Variants in MAPK8IP3 observed in about 807,000 individuals in gnomAD.
MAPK8IP3 encodes mitogen-activated protein kinase 8 interacting protein 3.
In MAPK8IP3, 49 loss-of-function variants were observed where a neutral mutation model predicts 157.8. The observed-to-expected ratio is 0.31, with a 90% CI of 0.25 to 0.39. The LOEUF (loss-of-function observed/expected upper bound fraction) is 0.39, where lower values mean the gene tolerates loss of function less well. Among genes scored for constraint, MAPK8IP3 ranks in the 10% least tolerant of loss-of-function variants. The probability of loss-of-function intolerance (pLI) is 1.00; values close to 1 mark genes in which losing one functional copy is unlikely to be tolerated. For synonymous variants in MAPK8IP3, 897 were observed against 777.7 expected (o/e 1.15, Z -2.55); for missense variants, 1,478 against 1,889.4 (o/e 0.78, Z 4.04).
chr16:1,747,342 T>C lies in MAPK8IP3; in HGVS notation c.994+67T>C, dbSNP rs143601123. 6.4e-6 allele frequency: 10 copies of C among 1,570,774 alleles called. 1 individual carries two copies. The African/African-American group carries it at 1.3e-4, about 21-fold the overall frequency. On this transcript the variant is annotated intron_variant, in intron 6 of 31. Coordinates refer to ENST00000610761, the MANE Select transcript of MAPK8IP3 (RefSeq NM_001318852.2). ...AGGCAGGGCTTGGTTTGGGTAGATG[T>C]GAAACTAATGCACCAGGCGGGCAGT... is the stretch of plus-strand genomic sequence containing the variant.
Position 1,724,747 on chromosome 16 carries a change from G to A in MAPK8IP3, c.439+70G>A. Reference sequence around the variant, plus strand: ...CTCTGGGACGGCTCTGGTTGGGGTGGGCATGGAGCGCCTTCCACACAAGGG... The same window carrying A: ...CTCTGGGACGGCTCTGGTTGGGGTGAGCATGGAGCGCCTTCCACACAAGGG... On this transcript the variant is annotated intron_variant, in intron 2 of 31. Transcript: ENST00000610761. This position sits in a 1 kb window ranked among gnomAD's most constrained non-coding sequence, Gnocchi z 4.1. 6.4e-7 allele frequency: 1 copy of A among 1,567,516 alleles called. No homozygotes were observed. Among genetic ancestry groups the A allele is most frequent in the Non-Finnish European group, 8.7e-7 (1 of 1,154,226 alleles).
intron 2 of MAPK8IP3, among the ~76,000 whole-genome samples, chr16:1,728,738 C>T (rs1421356833): frequency 6.8e-6 from 1 of 147,748 alleles, no homozygotes; most frequent in African/African-American, 2.6e-5. Flanking sequence ...TCGCACAACG[C>T]ACGCAGCAGC....
intron 4 of MAPK8IP3, among the ~76,000 whole-genome samples, chr16:1,731,460 C>T (rs533180379): frequency 8.5e-5 from 13 of 152,368 alleles, no homozygotes; most frequent in African/African-American, 1.4e-4. Flanking sequence ...CTGCCCTCCT[C>T]TTCACCTCCT....
intron 5 of MAPK8IP3, chr16:1,744,617 G>A: frequency 1.0e-6 from 1 of 985,574 alleles, no homozygotes. Context: ...CGCTTCCCGG[G>A]CCTGGAGCTG....
At chr16:1,738,337 ACC>A (rs2040232929) in intron 4 of MAPK8IP3, among the ~76,000 whole-genome samples, 2 of 66,230 alleles carry the variant, frequency 3.0e-5, no homozygotes, top group African/African-American at 6.4e-5. Flanking sequence ...TGAGCGTGTG[ACC>A]GTCCGTGTGT....
In MAPK8IP3 at chr16:1,743,542, C is replaced by T. The variant is rs893705833; in HGVS notation, c.747+66C>T. ...TGCTGGTGTTCCCCGTTCACTGGGG[C>T]GGGAGCCTCGTCTGCAGGCAGCCCT... On this transcript the variant is annotated intron_variant, in intron 5 of 31. Coordinates refer to ENST00000610761, the MANE Select transcript of MAPK8IP3 (RefSeq NM_001318852.2). The surrounding 1 kb of genome is among the most constrained non-coding windows in gnomAD (Gnocchi z 5.6). The T allele has an allele frequency of 5.7e-5, 89 of 1,560,012 alleles. No homozygotes were observed. The highest frequency in any genetic ancestry group is 7.0e-5 in the Non-Finnish European group (81 of 1,162,136).
chr16:1,767,060 C>T, intron 25 of MAPK8IP3, 89 bp downstream of exon 25: 2 of 1,580,914 alleles, frequency 1.3e-6, no homozygotes, highest in Admixed American at 3.4e-5. Flanking sequence ...CAGGCCTCTC[C>T]TTAGTCTGGC....
intron 8 of MAPK8IP3, chr16:1,749,046 G>C: frequency 2.5e-6 from 1 of 403,464 alleles, no homozygotes; most frequent in South Asian, 2.0e-5. Context: ...GTTATGCTGT[G>C]TCGTTTAGGG....
At chr16:1,721,465 T>C (rs989967001) in intron 1 of MAPK8IP3, among the ~76,000 whole-genome samples, 4 of 152,124 alleles carry the variant, frequency 2.6e-5, no homozygotes, top group African/African-American at 9.7e-5. Flanking sequence ...AGAGAGGATC[T>C]CACTGTCATC....
chr16:1,738,309 C>T (rs1483289098), intron 4 of MAPK8IP3, among the ~76,000 whole-genome samples: 91 of 55,874 alleles, frequency 1.6e-3, no homozygotes, highest in Admixed American at 3.3e-3. Context: ...TCTGTGTGAC[C>T]GTCCGTGTGA....
chr16:1,754,754 G>T (rs767960899), intron 8 of MAPK8IP3, among the ~76,000 whole-genome samples: 2 of 135,548 alleles, frequency 1.5e-5, no homozygotes, highest in Admixed American at 7.1e-5. Context: ...GCGAGACTCC[G>T]TCTCAAAAAA....
Position 1,767,291 on chromosome 16 carries a change from G to A in MAPK8IP3, c.3231G>A (p.Gln1077=), listed in dbSNP as rs778376100. 4.3e-6 allele frequency: 7 copies of A among 1,613,018 alleles called. No homozygotes were observed. Among genetic ancestry groups the A allele is most frequent in the African/African-American group, 1.3e-5 (1 of 74,928 alleles). The change falls in exon 26 of 32, where the codon CAG becomes CAA. Residue 1077 remains glutamine (Q), a synonymous_variant. Coordinates refer to ENST00000610761, the MANE Select transcript of MAPK8IP3 (RefSeq NM_001318852.2). The part of the protein sequence containing the change: ...KVHVIQPKTM[Q]IEKSFDAHPR... ...ACGTCATCCAGCCCAAGACCATGCA[G>A]ATAGAGGCGAGTGCCGGCCAGGGCC...
intron 30 of MAPK8IP3, 31 bp from the exon 31 acceptor site, chr16:1,768,446 C>T: frequency 6.3e-7 from 1 of 1,589,038 alleles, no homozygotes; most frequent in Non-Finnish European, 8.5e-7. Context: ...CCCCAGGAGG[C>T]CGCTGTCCTG....
At chr16:1,744,724 C>G (rs1432119357) in intron 5 of MAPK8IP3, 1 of 985,404 alleles carries the variant, frequency 1.0e-6, no homozygotes, top group Non-Finnish European at 1.2e-6. Flanking sequence ...CGCGCCCGCT[C>G]TGGGCCCGCT....
chr16:1,755,194 GGAATTC>G (rs532991623), intron 8 of MAPK8IP3, among the ~76,000 whole-genome samples: 2 of 152,190 alleles, frequency 1.3e-5, no homozygotes, highest in Non-Finnish European at 2.9e-5. Context: ...GGAGCCATGG[GGAATTC>G]ATCTATGTAT....
In MAPK8IP3 at chr16:1,762,943, G is replaced by A. The variant is rs1310051255; in HGVS notation, c.1835G>A (p.Arg612His). ...KSPTTAGFSQ[R>H]RNHAMCPISA... Reference sequence around the variant, plus strand: ...CCCACCACTGCCGGCTTCAGCCAGCGCCGCAACCATGCCATGTGCCCGATC... The same window carrying A: ...CCCACCACTGCCGGCTTCAGCCAGCACCGCAACCATGCCATGTGCCCGATC... Residue 612 changes from arginine (R) to histidine (H), a missense_variant, in exon 16 of 32, where the codon CGC becomes CAC. Physicochemically the swap from Arg to His is conservative, Grantham distance 29. Coordinates refer to ENST00000610761, the MANE Select transcript of MAPK8IP3 (RefSeq NM_001318852.2). The A allele has an allele frequency of 5.0e-6, 8 of 1,613,016 alleles. No individual in the cohort carries two copies. Among genetic ancestry groups the A allele is most frequent in the East Asian group, 2.2e-5 (1 of 44,880 alleles).
At position 1,763,649 on chromosome 16, in the gene MAPK8IP3, C is replaced by A. The variant is rs572714597; in HGVS notation, c.1899-8C>A. 2 of 1,555,078 alleles carry A rather than the reference C, an allele frequency of 1.3e-6. No individual in the cohort carries two copies. The highest frequency in any genetic ancestry group is 1.7e-6 in the Non-Finnish European group (2 of 1,146,698). On this transcript the variant is annotated splice_polypyrimidine_tract_variant and splice_region_variant and intron_variant, in intron 16 of 31. Transcript: ENST00000610761. ...GACAGAGACATCACCCATCATTCTTCCACTCAGCGACTGCACGTCCTCCGC... is the reference window on the plus strand; with the variant it reads ...GACAGAGACATCACCCATCATTCTTACACTCAGCGACTGCACGTCCTCCGC...
intron 4 of MAPK8IP3, among the ~76,000 whole-genome samples, chr16:1,739,852 G>A (rs1412751296): frequency 1.5e-4 from 18 of 123,536 alleles, no homozygotes; most frequent in African/African-American, 5.4e-4. Context: ...GTGAGCATCC[G>A]TGTGACCGTG....
chr16:1,767,427 G>C, intron 26 of MAPK8IP3, 130 bp downstream of exon 26: 1 of 1,501,290 alleles, frequency 6.7e-7, no homozygotes, highest in Non-Finnish European at 9.1e-7. Context: ...TATGACTCAG[G>C]CTCGAACAGG....
Sources: gnomAD v4.1 joint callset for allele counts (sites outside exome capture counted in the v4.1 genomes callset) on GRCh38, gnomAD v4.1.1 for gene constraint, Gnocchi (gnomAD v3.1) non-coding constraint, MANE v1.5 for transcripts, NCBI Gene and HGNC (gene_info 2026-07-23, HGNC 2026-07-21) for gene names.